Variants in TOM1L2 observed in about 807,000 individuals in gnomAD.
TOM1L2 encodes target of myb1 like 2 membrane trafficking protein, also known as TOM1-like protein 2.
In TOM1L2, 31 loss-of-function variants were observed where a neutral mutation model predicts 67.9. The observed-to-expected ratio is 0.46, with a 90% CI of 0.34 to 0.62. The LOEUF is 0.62. Ranked by LOEUF, TOM1L2 falls within the 20% of genes least tolerant of loss-of-function variation. TOM1L2 has a pLI of 0.01. For synonymous variants in TOM1L2, 256 were observed against 254.0 expected, an observed-to-expected ratio of 1.01 and a Z score of -0.07; for missense variants, 606 against 663.5, an observed-to-expected ratio of 0.91 and a Z score of 0.95.
chr17:17,912,165 C>T (rs1449888546), intron 1 of TOM1L2, among the ~76,000 whole-genome samples: 1 of 152,096 alleles, frequency 6.6e-6, no homozygotes, highest in Non-Finnish European at 1.5e-5. Context: ...CAATGAGCCG[C>T]TGGGCACACC....
intron 12 of TOM1L2, among the ~76,000 whole-genome samples, chr17:17,860,562 C>T (rs1048824446): frequency 6.6e-6 from 1 of 152,212 alleles, no homozygotes; most frequent in Admixed American, 6.5e-5. Context: ...AATTGGGACC[C>T]AGTAAGCAAA....
At position 17,907,718 on chromosome 17, in the gene TOM1L2, T is replaced by C. The variant is rs1258049418; in HGVS notation, c.53-187A>G. 2.0e-5 allele frequency among the ~76,000 whole-genome samples: 3 copies of C among 152,124 alleles called. No homozygotes were observed. The East Asian group carries it at 5.8e-4, about 29-fold the overall frequency. On this transcript the variant is annotated intron_variant, in intron 1 of 14. Coordinates refer to ENST00000379504, the MANE Select transcript of TOM1L2 (RefSeq NM_001082968.2). ...AAAGGTCCTGGCCTGAGGGCTGATG[T>C]TATAACGAGGTTCTTCATTCACCAA... is the stretch of plus-strand genomic sequence containing the variant.
intron 1 of TOM1L2, among the ~76,000 whole-genome samples, chr17:17,950,056 T>C (rs1568361495): frequency 2.0e-5 from 3 of 151,996 alleles, no homozygotes. Context: ...TGTATTTTAG[T>C]AGAGATGGGG....
intron 12 of TOM1L2, 94 bp from the exon 13 acceptor site, chr17:17,851,046 C>T: frequency 7.4e-7 from 1 of 1,358,184 alleles, no homozygotes; most frequent in South Asian, 1.2e-5. Flanking sequence ...AACAGCAACC[C>T]CAAATAAAAC....
intron 11 of TOM1L2, 197 bp downstream of exon 11, chr17:17,862,534 T>A (rs1465451589): frequency 1.8e-6 from 1 of 569,810 alleles, no homozygotes. Context: ...TGTGTGTGTT[T>A]GGGGGGGTGG....
At chr17:17,847,899 G>A (rs934866141) in intron 14 of TOM1L2, 116 bp from the exon 15 acceptor site, 5 of 1,383,390 alleles carry the variant, frequency 3.6e-6, no homozygotes, top group Non-Finnish European at 4.1e-6. Context: ...AGCCCACCTA[G>A]GAGCAGGTGG....
In TOM1L2 at chr17:17,850,917, A is replaced by G; in HGVS notation, c.1314T>C (p.Ile438=). 1 of 1,614,060 alleles carries G rather than the reference A, an allele frequency of 6.2e-7. No individual in the cohort carries two copies. Among genetic ancestry groups the G allele is most frequent in the Non-Finnish European group, 8.5e-7 (1 of 1,180,010 alleles). ...CCAGGTCGGTCCTGAGCCACACCTC[A>G]ATGTCGTCCATGACAGATGGCTGCG... ...PVAQPSVMDD[I]EVWLRTDLKG... is the part of the protein sequence containing the mutation. Residue 438 remains isoleucine, a synonymous_variant, in exon 13 of 15, where the codon ATT becomes ATC. Coordinates refer to ENST00000379504, the MANE Select transcript of TOM1L2 (RefSeq NM_001082968.2).
intron 7 of TOM1L2, among the ~76,000 whole-genome samples, chr17:17,875,522 A>G (rs2037380170): frequency 6.6e-6 from 1 of 152,210 alleles, no homozygotes; most frequent in African/African-American, 2.4e-5. Flanking sequence ...ACTGTGCAAC[A>G]GCCAGGACAG....
intron 6 of TOM1L2, among the ~76,000 whole-genome samples, 160 bp downstream of exon 6, chr17:17,882,545 C>T (rs2037778611): frequency 6.6e-6 from 1 of 152,236 alleles, no homozygotes; most frequent in African/African-American, 2.4e-5. Context: ...TCCATCATGA[C>T]TTCCTCAGCA....
intron 1 of TOM1L2, among the ~76,000 whole-genome samples, chr17:17,969,807 T>A (rs1478466392): frequency 6.6e-6 from 1 of 152,216 alleles, no homozygotes; most frequent in Non-Finnish European, 1.5e-5. Context: ...CTATGCTAAG[T>A]GTTTTCATAC....
intron 12 of TOM1L2, 113 bp downstream of exon 12, chr17:17,861,363 G>T: frequency 1.0e-6 from 1 of 1,002,704 alleles, no homozygotes; most frequent in Non-Finnish European, 1.5e-6. Context: ...CCCCCAGGGT[G>T]TCCCTGCCCC....
At chr17:17,882,399 G>A (rs1347962404) in intron 6 of TOM1L2, among the ~76,000 whole-genome samples, 1 of 152,220 alleles carries the variant, frequency 6.6e-6, no homozygotes, top group African/African-American at 2.4e-5. Context: ...TGAGCATGCG[G>A]TCTCACCTGA....
intron 1 of TOM1L2, 134 bp from the exon 2 acceptor site, chr17:17,907,665 G>C (rs1017297905): frequency 4.3e-6 from 3 of 705,830 alleles, no homozygotes; most frequent in Admixed American, 2.5e-5. Context: ...CATTCTAGGA[G>C]TGCTATTATC....
intron 1 of TOM1L2, among the ~76,000 whole-genome samples, chr17:17,922,186 C>G (rs1416422126): frequency 6.6e-6 from 1 of 152,174 alleles, no homozygotes; most frequent in African/African-American, 2.4e-5. Flanking sequence ...TGAGGCTGAA[C>G]AGGGGAGCAG....
chr17:17,970,180 G>C (rs568100679), intron 1 of TOM1L2, among the ~76,000 whole-genome samples: 62 of 151,870 alleles, frequency 4.1e-4, no homozygotes, highest in African/African-American at 1.4e-3. Flanking sequence ...TCAGCCTCCC[G>C]AGTAGCTGGG....
chr17:17,919,912 T>C (rs1329837144), intron 1 of TOM1L2, among the ~76,000 whole-genome samples: 1 of 152,188 alleles, frequency 6.6e-6, no homozygotes, highest in South Asian at 2.1e-4. Flanking sequence ...AAATGAAGCC[T>C]GGTGGGGTGA....
chr17:17,879,545 T>C (rs2037603150), intron 7 of TOM1L2, 82 bp downstream of exon 7: 1 of 1,120,160 alleles, frequency 8.9e-7, no homozygotes, highest in East Asian at 2.4e-5. Context: ...GCCTTGCCGC[T>C]GTGTCCCCGG....
chr17:17,858,449 C>T (rs2143650477), intron 12 of TOM1L2: 1 of 152,534 alleles, frequency 6.6e-6, no homozygotes, highest in South Asian at 2.1e-4. Context: ...TGGAGTCTTG[C>T]TCTGTCACCC....
rs1365015360 is a variant in TOM1L2, at chr17:17,866,939, G to A, written c.912-15C>T. 6.2e-7 allele frequency: 1 copy of A among 1,613,740 alleles called. No homozygotes were observed. Among genetic ancestry groups the A allele is most frequent in the Non-Finnish European group, 8.5e-7 (1 of 1,179,798 alleles). ...ATCGTTCGAACCTAACAGGGGAAGGGAAAGCAGAAGTAAGGAGAGAGGATG... is the reference window on the plus strand; with the variant it reads ...ATCGTTCGAACCTAACAGGGGAAGGAAAAGCAGAAGTAAGGAGAGAGGATG... On this transcript the variant is annotated splice_polypyrimidine_tract_variant and intron_variant, in intron 8 of 14. Transcript: ENST00000379504.
Sources: gnomAD v4.1 joint callset for allele counts (sites outside exome capture counted in the v4.1 genomes callset) on GRCh38, gnomAD v4.1.1 for gene constraint, MANE v1.5 for transcripts, NCBI Gene and HGNC (gene_info 2026-07-23, HGNC 2026-07-21) for gene names.